CDC42BPA: variants seen among roughly 807,000 people sequenced by gnomAD.
The protein encoded by CDC42BPA is CDC42 binding protein kinase alpha.
A neutral mutation model predicts 223.5 loss-of-function variants in CDC42BPA; 80 were observed. The observed-to-expected ratio is 0.36, with a 90% CI of 0.30 to 0.43. The LOEUF is 0.43. CDC42BPA is among the 20% of genes least tolerant of loss of function. CDC42BPA has a pLI of 1.00. For missense variants in CDC42BPA, 1,743 were observed against 2,099.9 expected (o/e 0.83, Z 3.32); for synonymous variants, 694 against 718.6 (o/e 0.97, Z 0.55).
At chr1:227,030,565 A>C in intron 28 of CDC42BPA, 95 bp from the exon 29 acceptor site, 1 of 706,154 alleles carries the variant, frequency 1.4e-6, no homozygotes, top group Non-Finnish European at 2.4e-6. Context: ...CAAAAAATGG[A>C]AATAAAATGA....
At chr1:227,021,214 C>T (rs866060457) in intron 32 of CDC42BPA, among the ~76,000 whole-genome samples, 7 of 152,008 alleles carry the variant, frequency 4.6e-5, no homozygotes, top group South Asian at 2.1e-4. Context: ...AGTCAACACG[C>T]GCTGTTGGGA....
chr1:227,018,032 A>AATTATTATTATTATTATTATTATT (rs56236828), intron 32 of CDC42BPA, among the ~76,000 whole-genome samples: 6 of 145,106 alleles, frequency 4.1e-5, no homozygotes, highest in Admixed American at 2.1e-4. Flanking sequence ...TTAAAAATAG[A>AATTATTATTATTATTATTATTATT]ATTATTATTA....
At chr1:227,100,443 C>T (rs981046914) in intron 15 of CDC42BPA, among the ~76,000 whole-genome samples, 1 of 152,160 alleles carries the variant, frequency 6.6e-6, no homozygotes, top group African/African-American at 2.4e-5. Context: ...TCACCACTCT[C>T]ATCTATTTAT....
chr1:227,281,966 G>A (rs1688079840), intron 1 of CDC42BPA, among the ~76,000 whole-genome samples: 1 of 152,116 alleles, frequency 6.6e-6, no homozygotes, highest in Non-Finnish European at 1.5e-5. Context: ...GAGGCGGGTG[G>A]ATCACTTGAG....
In CDC42BPA at chr1:227,212,786, A is replaced by G. The variant is rs188394281; in HGVS notation, c.354+350T>C. 6.0e-3 allele frequency among the ~76,000 whole-genome samples: 915 copies of G among 152,322 alleles called. 10 individuals carry two copies. Among genetic ancestry groups the G allele is most frequent in the African/African-American group, 0.021 (862 of 41,582 alleles). On this transcript the variant is annotated intron_variant, in intron 3 of 36. Coordinates refer to ENST00000366766, the MANE Select transcript of CDC42BPA (RefSeq NM_001394014.1). ...TGCTGACTTTTGCTTGTAGCAGAAT[A>G]CAGATAAATACAGAATAATATAAAC...
At chr1:227,158,247 A>T (rs1663184578) in intron 6 of CDC42BPA, among the ~76,000 whole-genome samples, 1 of 152,210 alleles carries the variant, frequency 6.6e-6, no homozygotes, top group South Asian at 2.1e-4. Flanking sequence ...GGCGTGAGCC[A>T]CTGTGACCGA....
chr1:227,226,601 C>A (rs1434858647), intron 2 of CDC42BPA, among the ~76,000 whole-genome samples: 1 of 152,122 alleles, frequency 6.6e-6, no homozygotes, highest in Non-Finnish European at 1.5e-5. Flanking sequence ...GTATAAAGAA[C>A]CTCAGCTGCG....
intron 1 of CDC42BPA, among the ~76,000 whole-genome samples, chr1:227,258,675 A>G (rs1683526540): frequency 6.6e-6 from 1 of 150,946 alleles, no homozygotes; most frequent in Non-Finnish European, 1.5e-5. Flanking sequence ...TTACTTGAAT[A>G]TTTCTTATTT....
At chr1:227,028,297 C>T (rs866985940) in intron 30 of CDC42BPA, among the ~76,000 whole-genome samples, 1 of 152,154 alleles carries the variant, frequency 6.6e-6, no homozygotes, top group African/African-American at 2.4e-5. Flanking sequence ...TTAGTAACTA[C>T]TTCTCCAGAA....
At position 227,026,156 on chromosome 1, in the gene CDC42BPA, G is replaced by A; in HGVS notation, c.4433-4C>T. 2 of 1,551,328 alleles carry A rather than the reference G, an allele frequency of 1.3e-6. No homozygotes were observed. Among genetic ancestry groups the A allele is most frequent in the South Asian group, 2.3e-5 (2 of 86,938 alleles). ...GAGAGATATGGTGCATTGTAACCTG[G>A]GAGAAGGGAAGGGGGGGCAGCTTGC... On this transcript the variant is annotated splice_region_variant and splice_polypyrimidine_tract_variant and intron_variant, in intron 30 of 36. Transcript: ENST00000366766.
At chr1:227,053,516 A>T (rs1673954163) in intron 21 of CDC42BPA, among the ~76,000 whole-genome samples, 1 of 152,174 alleles carries the variant, frequency 6.6e-6, no homozygotes, top group African/African-American at 2.4e-5. Context: ...TTACCAGCTG[A>T]ATATCAGCTC....
At chr1:227,043,365 A>G (rs1399058431) in intron 23 of CDC42BPA, among the ~76,000 whole-genome samples, 1 of 151,424 alleles carries the variant, frequency 6.6e-6, no homozygotes, top group African/African-American at 2.4e-5. Flanking sequence ...GCGAGCTGAG[A>G]TCACGCCACT....
At chr1:227,016,752 G>A (rs1572265225) in intron 33 of CDC42BPA, among the ~76,000 whole-genome samples, 175 bp downstream of exon 33, 1 of 152,248 alleles carries the variant, frequency 6.6e-6, no homozygotes, top group East Asian at 1.9e-4. Context: ...ACAATTTTGA[G>A]AATATTAATT....
chr1:227,035,548 G>T lies in CDC42BPA; in HGVS notation c.3259C>A (p.Pro1087Thr). 1 of 1,609,844 alleles carries T rather than the reference G, an allele frequency of 6.2e-7. No individual in the cohort carries two copies. The highest frequency in any genetic ancestry group is 1.1e-5 in the South Asian group (1 of 90,428). The change falls in exon 25 of 37, where the codon CCT (proline) becomes ACT (threonine). Residue 1087 changes from proline to threonine, a missense_variant. Physicochemically the swap from Pro to Thr is conservative, Grantham distance 38. This residue lies in a region of CDC42BPA where 678 missense variants were observed against 777.5 expected (regional missense o/e 0.87). Coordinates refer to ENST00000366766, the MANE Select transcript of CDC42BPA (RefSeq NM_001394014.1). The stretch of plus-strand genomic sequence containing the variant: ...AGGGGACCTTTTGTCTGTTCAGGAG[G>T]AACTGGACAAGTGGTTGGAGCTTTG... ...VNKAPTTCPV[P>T]PEQTKGPLGI...
At chr1:227,299,300 T>C (rs115703042) in intron 1 of CDC42BPA, among the ~76,000 whole-genome samples, 1,568 of 152,320 alleles carry the variant, frequency 0.01, 31 homozygotes, top group African/African-American at 0.035. Flanking sequence ...ACAGCAATCA[T>C]CTTTGTATAT....
rs1270950752 is a variant in CDC42BPA, at chr1:227,133,879, T to C, written c.1391-4648A>G. ...AAAACCAGAGACCTTTGTTCACTTG[T>C]TTATCTGCTGACATTCCCTCCACTA... On this transcript the variant is annotated intron_variant, in intron 10 of 36. Transcript: ENST00000366766. Among the ~76,000 whole-genome samples, 5 of 151,940 alleles carry C rather than the reference T, an allele frequency of 3.3e-5. No homozygotes were observed. In the South Asian group the frequency reaches 6.2e-4, roughly 19 times the overall value.
chr1:227,147,442 A>T lies in CDC42BPA; in HGVS notation c.811T>A (p.Cys271Ser), dbSNP rs775595844. The change falls in exon 7 of 37, where the codon TGT becomes AGT. Residue 271 changes from cysteine (C) to serine (S), a missense_variant. Cys to Ser is a moderately radical substitution (Grantham distance 112). Transcript: ENST00000366766. ...PECDWWSLGV[C>S]MYEMLYGETP... The stretch of plus-strand genomic sequence containing the variant: ...TCTCCGTAAAGCATTTCATACATAC[A>T]GACCCCCAAAGACCACCAGTCACAT... 6.3e-5 allele frequency: 101 copies of T among 1,613,382 alleles called. No homozygotes were observed. Among genetic ancestry groups the T allele is most frequent in the Non-Finnish European group, 8.4e-5 (99 of 1,179,638 alleles).
chr1:227,051,882 T>G lies in CDC42BPA; in HGVS notation c.3008A>C (p.Lys1003Thr), dbSNP rs745668463. Residue 1003 changes from lysine to threonine, a missense_variant and splice_region_variant, in exon 22 of 37, where the codon AAG becomes ACG. Physicochemically the swap from Lys to Thr is moderately conservative, Grantham distance 78. Around this residue, in one of 6 missense-constraint regions of CDC42BPA, gnomAD observed 678 missense variants for 777.5 expected, o/e 0.87. Transcript: ENST00000366766. ...AGCAGGGATGCTCCAATAAGGCACCTTAACTGGCTCAGCTTCACTAGATGT... is the reference window on the plus strand; with the variant it reads ...AGCAGGGATGCTCCAATAAGGCACCGTAACTGGCTCAGCTTCACTAGATGT... ...PSTSSEAEPV[K>T]TVDSTPLSVH... 7.3e-7 allele frequency: 1 copy of G among 1,364,852 alleles called. No individual in the cohort carries two copies. Among genetic ancestry groups the G allele is most frequent in the Non-Finnish European group, 9.8e-7 (1 of 1,020,340 alleles). 84.5% of individuals were successfully genotyped at this position (1,364,852 alleles called of 1,614,324 possible). A position where few individuals can be genotyped will look rare whatever the true frequency, so the allele number is the denominator to read the frequency against.
chr1:227,172,234 C>G (rs1666222963), intron 5 of CDC42BPA, among the ~76,000 whole-genome samples: 1 of 152,100 alleles, frequency 6.6e-6, no homozygotes, highest in African/African-American at 2.4e-5. Flanking sequence ...GGGGTTCATC[C>G]TACATTTGAG....
Sources: gnomAD v4.1 joint callset for allele counts (sites outside exome capture counted in the v4.1 genomes callset) on GRCh38, gnomAD v4.1.1 for gene constraint, gnomAD v4.1.1 regional missense constraint, MANE v1.5 for transcripts, NCBI Gene and HGNC (gene_info 2026-07-23, HGNC 2026-07-21) for gene names.